Variants in USP18 observed in about 807,000 individuals in gnomAD.
USP18 encodes the protein ubiquitin specific peptidase 18.
USP18 carries 11 observed loss-of-function variants against 48.7 expected under a neutral mutation model. The observed-to-expected ratio is 0.23, with a 90% CI of 0.14 to 0.37. The LOEUF (loss-of-function observed/expected upper bound fraction) is 0.37, where lower values mean the gene tolerates loss of function less well. Among genes scored for constraint, USP18 ranks in the 10% least tolerant of loss-of-function variants. The probability of loss-of-function intolerance (pLI) is 1.00; values close to 1 mark genes in which losing one functional copy is unlikely to be tolerated. For synonymous variants in USP18, 114 were observed against 163.2 expected (o/e 0.70, Z 2.30); for missense variants, 285 against 436.4 (o/e 0.65, Z 3.09).
chr22:18,154,240 G>A (rs185231735), intron 1 of USP18, among the ~76,000 whole-genome samples: 4 of 151,910 alleles, frequency 2.6e-5, no homozygotes, highest in African/African-American at 9.7e-5. Context: ...CTTAAACCCC[G>A]TCCAGCTTGT....
intron 1 of USP18, among the ~76,000 whole-genome samples, chr22:18,156,851 G>A (rs548077254): frequency 9.3e-4 from 142 of 152,358 alleles, no homozygotes; most frequent in African/African-American, 3.3e-3. Context: ...GTGAGACCAA[G>A]CACCCACCAA....
chr22:18,176,049 G>A (rs879548842), intron 10 of USP18, among the ~76,000 whole-genome samples: 12 of 122,102 alleles, frequency 9.8e-5, no homozygotes, highest in Admixed American at 1.6e-4. Context: ...TTGGGAGACT[G>A]AGGTGGGCAG....
At chr22:18,163,470 T>C (rs909545202) in intron 4 of USP18, among the ~76,000 whole-genome samples, 5 of 151,960 alleles carry the variant, frequency 3.3e-5, no homozygotes, top group African/African-American at 4.8e-5. Context: ...GGTGAAACCC[T>C]GTCTCTACTA....
chr22:18,157,944 C>A, intron 2 of USP18, 124 bp downstream of exon 2: 2 of 1,350,240 alleles, frequency 1.5e-6, no homozygotes, highest in Non-Finnish European at 2.0e-6. Flanking sequence ...TGAGTTTCTG[C>A]ATCTTTTAGA....
chr22:18,173,354 C>T (rs1304771734), intron 9 of USP18, 73 bp downstream of exon 9: 9 of 1,584,772 alleles, frequency 5.7e-6, no homozygotes, highest in Admixed American at 1.7e-5. Flanking sequence ...CTCAGGGCTG[C>T]GTGGGTCTCT....
chr22:18,164,981 G>A (rs5993027), intron 4 of USP18, among the ~76,000 whole-genome samples: 42,469 of 150,546 alleles, frequency 0.28, 4,898 homozygotes, highest in African/African-American at 0.35. Context: ...AACCGGTTGC[G>A]ATGTGGGTGT....
At chr22:18,163,897 T>C (rs1929400757) in intron 4 of USP18, among the ~76,000 whole-genome samples, 2 of 152,116 alleles carry the variant, frequency 1.3e-5, no homozygotes, top group Non-Finnish European at 2.9e-5. Context: ...GGTGGAGACG[T>C]TGGGGCATTA....
rs677803 is a variant in USP18 at position 18,175,512 on chromosome 22, C to T, written c.1074-1260C>T. On this transcript the variant is annotated intron_variant, in intron 10 of 10. Transcript: ENST00000215794. The stretch of plus-strand genomic sequence containing the variant: ...TCATTGATTTCCCTGTTATTGAGAT[C>T]AGAGGTTGGCAGACTTTCTCTGTAA... 7.7e-3 allele frequency among the ~76,000 whole-genome samples: 1,007 copies of T among 130,646 alleles called. 2 individuals carry two copies. Among genetic ancestry groups the T allele is most frequent in the African/African-American group, 0.029 (842 of 29,402 alleles). 85.7% of individuals were successfully genotyped at this position (130,646 alleles called of 152,430 possible).
chr22:18,165,904 C>G (rs1169246320), intron 4 of USP18, among the ~76,000 whole-genome samples: 1 of 151,622 alleles, frequency 6.6e-6, no homozygotes, highest in African/African-American at 2.4e-5. Context: ...CTCCCCCCAC[C>G]CCCACAACAC....
intron 8 of USP18, among the ~76,000 whole-genome samples, chr22:18,171,155 G>C (rs545006406): frequency 6.1e-5 from 3 of 49,488 alleles, no homozygotes; most frequent in African/African-American, 3.4e-4. Flanking sequence ...GGAATACATA[G>C]AAATGCATAG....
chr22:18,158,140 T>C (rs757121882), intron 2 of USP18, among the ~76,000 whole-genome samples: 10 of 151,974 alleles, frequency 6.6e-5, no homozygotes, highest in Non-Finnish European at 1.2e-4. Context: ...ATACAAAAAT[T>C]AGCTGGGCGC....
rs116385843 is a variant in USP18, at chr22:18,174,275, G to C, written c.1073+433G>C. On this transcript the variant is annotated intron_variant, in intron 10 of 10. Coordinates refer to ENST00000215794, the MANE Select transcript of USP18 (RefSeq NM_017414.4). ...GGAGTCTCGCTCTGTTGCCGGGCTGGAGTGTAGTGGCACAATCTTGGCTAC... is the reference window on the plus strand; with the variant it reads ...GGAGTCTCGCTCTGTTGCCGGGCTGCAGTGTAGTGGCACAATCTTGGCTAC... Among the ~76,000 whole-genome samples, 1,114 of 150,858 alleles carry C rather than the reference G, an allele frequency of 7.4e-3. 14 individuals are homozygous for C. Among genetic ancestry groups the C allele is most frequent in the African/African-American group, 0.025 (1,043 of 40,956 alleles).
intron 4 of USP18, among the ~76,000 whole-genome samples, chr22:18,164,407 C>CGGT (rs1569210789): frequency 6.6e-6 from 1 of 152,112 alleles, no homozygotes; most frequent in African/African-American, 2.4e-5. Flanking sequence ...TCCCAAAGCT[C>CGGT]GGTGGTCGAG....
At chr22:18,164,952 AGT>A (rs1929437276) in intron 4 of USP18, among the ~76,000 whole-genome samples, 1 of 152,010 alleles carries the variant, frequency 6.6e-6, no homozygotes, top group Admixed American at 6.5e-5. Context: ...TTGTGGTGCG[AGT>A]GTGTCTCAGC....
intron 1 of USP18, among the ~76,000 whole-genome samples, chr22:18,156,753 G>A (rs760325604): frequency 7.9e-5 from 12 of 151,126 alleles, no homozygotes; most frequent in South Asian, 2.1e-4. Context: ...GAACACATCC[G>A]AACATCAGAA....
At chr22:18,155,537 G>T (rs1929107613) in intron 1 of USP18, among the ~76,000 whole-genome samples, 2 of 152,228 alleles carry the variant, frequency 1.3e-5, no homozygotes, top group Non-Finnish European at 2.9e-5. Context: ...AGAGGCAGGG[G>T]CGGGAACTGG....
At chr22:18,153,713 G>A (rs1929057177) in intron 1 of USP18, among the ~76,000 whole-genome samples, 1 of 152,156 alleles carries the variant, frequency 6.6e-6, no homozygotes, top group Admixed American at 6.5e-5. Context: ...CAACCAAAGT[G>A]CTGGGATTGC....
At chr22:18,153,177 C>G (rs1178185965) in intron 1 of USP18, among the ~76,000 whole-genome samples, 3 of 152,000 alleles carry the variant, frequency 2.0e-5, no homozygotes, top group African/African-American at 7.3e-5. Flanking sequence ...GCCTGTAATC[C>G]CAGCACTTTG....
chr22:18,171,726 G>A (rs1051600520), intron 8 of USP18, among the ~76,000 whole-genome samples: 4 of 151,894 alleles, frequency 2.6e-5, no homozygotes, highest in Non-Finnish European at 5.9e-5. Context: ...ATTCCTGTAT[G>A]TACGGGTCTA....
Sources: gnomAD v4.1 joint callset for allele counts (sites outside exome capture counted in the v4.1 genomes callset) on GRCh38, gnomAD v4.1.1 for gene constraint, MANE v1.5 for transcripts, NCBI Gene and HGNC (gene_info 2026-07-23, HGNC 2026-07-21) for gene names.